AGO2: variants seen among roughly 807,000 people sequenced by gnomAD.
The protein encoded by AGO2 is argonaute RISC catalytic component 2, also known as protein argonaute-2.
Under a neutral mutation model 102.3 loss-of-function variants are expected in AGO2, and 5 were observed. That is an observed-to-expected ratio of 0.05 (90% CI 0.03 to 0.10). The LOEUF (loss-of-function observed/expected upper bound fraction) is 0.10. AGO2 is among the 10% of genes least tolerant of loss of function. The probability of loss-of-function intolerance (pLI) is 1.00; values close to 1 mark genes in which losing one functional copy is unlikely to be tolerated. For synonymous variants in AGO2, 449 were observed against 473.1 expected, an observed-to-expected ratio of 0.95 and a Z score of 0.66; for missense variants, 541 against 1,183.7, an observed-to-expected ratio of 0.46 and a Z score of 7.97.
In AGO2 at chr8:140,558,385, C is replaced by T; in HGVS notation, c.878+100G>A. ...GATTGAAAAACAGCATGAAATGGTCCTTTCTGGAGAATGGGCACAGAATCA... is the reference window on the plus strand; with the variant it reads ...GATTGAAAAACAGCATGAAATGGTCTTTTCTGGAGAATGGGCACAGAATCA... On this transcript the variant is annotated intron_variant, in intron 7 of 18. Coordinates refer to ENST00000220592, the MANE Select transcript of AGO2 (RefSeq NM_012154.5). 17 of 1,316,066 alleles carry T rather than the reference C, an allele frequency of 1.3e-5. No individual in the cohort carries two copies. In the South Asian group the frequency reaches 2.1e-4, roughly 16 times the overall value. 81.5% of individuals were successfully genotyped at this position (1,316,066 alleles called of 1,614,324 possible).
chr8:140,564,932 G>A (rs1008432056), intron 3 of AGO2, among the ~76,000 whole-genome samples: 2 of 151,806 alleles, frequency 1.3e-5, no homozygotes, highest in African/African-American at 2.4e-5. Flanking sequence ...TCAGGAGTTC[G>A]AGACCACCCC....
In AGO2 at chr8:140,531,556, A is replaced by G. The variant is rs1486926147; in HGVS notation, c.*488T>C. 1 of 156,252 alleles carries G rather than the reference A, an allele frequency of 6.4e-6. No individual in the cohort carries two copies. Among genetic ancestry groups the G allele is most frequent in the Admixed American group, 6.2e-5 (1 of 16,106 alleles). The allele number at this position is 156,252 out of a possible 1,614,324, so 9.7% of individuals were successfully genotyped here. On this transcript the variant is annotated 3_prime_UTR_variant, in exon 19 of 19. Coordinates refer to ENST00000220592, the MANE Select transcript of AGO2 (RefSeq NM_012154.5). ...TGAGCCACGCCAGGGGCACACGAGC[A>G]TCGCCTGGAAATCAACTTTAGTGAC... is the stretch of plus-strand genomic sequence containing the variant.
At chr8:140,552,734 GCGCGCGCACACACA>G in intron 10 of AGO2, among the ~76,000 whole-genome samples, 1 of 133,706 alleles carries the variant, frequency 7.5e-6, no homozygotes, top group South Asian at 2.4e-4. Flanking sequence ...ATGCACGCGC[GCGCGCGCACACACA>G]CACACACACA....
chr8:140,576,936 G>A (rs763800716), intron 2 of AGO2, among the ~76,000 whole-genome samples: 7 of 152,118 alleles, frequency 4.6e-5, no homozygotes, highest in Non-Finnish European at 7.4e-5. Flanking sequence ...GGCCAGGCGC[G>A]ATGGCTCACA....
chr8:140,544,598 C>T (rs2072864425), intron 13 of AGO2, among the ~76,000 whole-genome samples: 1 of 151,952 alleles, frequency 6.6e-6, no homozygotes, highest in Non-Finnish European at 1.5e-5. Context: ...CAGGAGGGCT[C>T]ACCCTTCTAC....
intron 1 of AGO2, among the ~76,000 whole-genome samples, chr8:140,599,339 C>T (rs1443967985): frequency 6.6e-6 from 1 of 152,110 alleles, no homozygotes; most frequent in Non-Finnish European, 1.5e-5. Flanking sequence ...ACGGGGGAAG[C>T]CAAAGTAACC....
chr8:140,546,002 G>A (rs553760160), intron 13 of AGO2, among the ~76,000 whole-genome samples: 142 of 152,292 alleles, frequency 9.3e-4, no homozygotes, highest in African/African-American at 3.2e-3. Flanking sequence ...CCGCCTGTAC[G>A]ATGGGCTCAT....
chr8:140,607,458 TTA>T (rs1167371585), intron 1 of AGO2, among the ~76,000 whole-genome samples: 96 of 69,548 alleles, frequency 1.4e-3, no homozygotes, highest in Non-Finnish European at 1.6e-3. Flanking sequence ...TAAAGAAAAA[TTA>T]TATATATATA....
chr8:140,560,586 C>T (rs956516545), intron 4 of AGO2, 76 bp from the exon 5 acceptor site: 3 of 1,525,946 alleles, frequency 2.0e-6, no homozygotes, highest in African/African-American at 1.4e-5. Context: ...GGGTGGGCTT[C>T]GCCTGCGCCC....
intron 1 of AGO2, among the ~76,000 whole-genome samples, chr8:140,625,250 C>G (rs569917447): frequency 6.6e-6 from 1 of 152,186 alleles, no homozygotes; most frequent in Non-Finnish European, 1.5e-5. Flanking sequence ...GAATTACAGG[C>G]GCCTGCCACC....
intron 13 of AGO2, among the ~76,000 whole-genome samples, chr8:140,544,549 GAGCTGAC>G (rs1385762784): frequency 6.8e-6 from 1 of 148,006 alleles, no homozygotes; most frequent in African/African-American, 2.6e-5. Flanking sequence ...GATGGGCCAG[GAGCTGAC>G]AGCTGTTGAG....
At chr8:140,623,479 G>T (rs998198700) in intron 1 of AGO2, among the ~76,000 whole-genome samples, 15 of 152,158 alleles carry the variant, frequency 9.9e-5, no homozygotes, top group African/African-American at 3.4e-4. Flanking sequence ...GTCTCCTGAG[G>T]GCACACAGGG....
chr8:140,551,274 G>A, intron 11 of AGO2, 29 bp downstream of exon 11: 1 of 1,485,878 alleles, frequency 6.7e-7, no homozygotes. Context: ...GCACCCCCAG[G>A]CCGGAGCCTC....
At chr8:140,617,828 A>C (rs773884488) in intron 1 of AGO2, among the ~76,000 whole-genome samples, 193 of 151,896 alleles carry the variant, frequency 1.3e-3, no homozygotes, top group Non-Finnish European at 1.8e-3. Flanking sequence ...AGCAGCCTGG[A>C]CAACATAGTG....
Position 140,556,992 on chromosome 8 carries a change from C to G in AGO2, c.1026+97G>C, listed in dbSNP as rs2073107645. 3 of 1,485,242 alleles carry G rather than the reference C, an allele frequency of 2.0e-6. No individual in the cohort carries two copies. The Admixed American group carries it at 6.5e-5, about 32-fold the overall frequency. The allele number at this position is 1,485,242 out of a possible 1,614,324, so 92.0% of individuals were successfully genotyped here. A position where few individuals can be genotyped will look rare whatever the true frequency, so the allele number is the denominator to read the frequency against. On this transcript the variant is annotated intron_variant, in intron 8 of 18. Coordinates refer to ENST00000220592, the MANE Select transcript of AGO2 (RefSeq NM_012154.5). ...GCAGCAGAGGCAGTGCCATTTGTAT[C>G]TGACTGGGGCCTCGGCGGTTTCTCG...
At chr8:140,624,831 G>C (rs2074255540) in intron 1 of AGO2, among the ~76,000 whole-genome samples, 1 of 152,236 alleles carries the variant, frequency 6.6e-6, no homozygotes, top group Admixed American at 6.5e-5. Context: ...ACTGGGATCT[G>C]CAATGAGAAA....
intron 1 of AGO2, among the ~76,000 whole-genome samples, chr8:140,597,627 C>G (rs1244044989): frequency 6.6e-6 from 1 of 152,032 alleles, no homozygotes; most frequent in Non-Finnish European, 1.5e-5. Context: ...TTCAGCCTCA[C>G]TCCTGTCAGC....
At chr8:140,612,220 C>CAAAAAAAA (rs542472147) in intron 1 of AGO2, among the ~76,000 whole-genome samples, 4 of 95,960 alleles carry the variant, frequency 4.2e-5, no homozygotes, top group Non-Finnish European at 6.0e-5. Context: ...GACTCTGTCT[C>CAAAAAAAA]AAAAAAAAAA....
chr8:140,610,855 C>T (rs2074066547), intron 1 of AGO2, among the ~76,000 whole-genome samples: 1 of 152,334 alleles, frequency 6.6e-6, no homozygotes, highest in South Asian at 2.1e-4. Context: ...CTCAGCCAGG[C>T]GGCCACTCCA....
Sources: gnomAD v4.1 joint callset for allele counts (sites outside exome capture counted in the v4.1 genomes callset) on GRCh38, gnomAD v4.1.1 for gene constraint, MANE v1.5 for transcripts, NCBI Gene and HGNC (gene_info 2026-07-23, HGNC 2026-07-21) for gene names.